Variants in RBM10 observed in about 807,000 individuals in gnomAD.
RBM10 encodes the protein RNA-binding protein 10.
In RBM10, 1 loss-of-function variant was observed where a neutral mutation model predicts 84.9. That is an observed-to-expected ratio of 0.01 (90% CI 0.00 to 0.06). The LOEUF is 0.06. Among genes scored for constraint, RBM10 ranks in the 10% least tolerant of loss-of-function variants. The pLI is 1.00. For missense variants in RBM10, 438 were observed against 839.0 expected (o/e 0.52, Z 5.90); for synonymous variants, 326 against 344.5 (o/e 0.95, Z 0.60).
intron 2 of RBM10, among the ~76,000 whole-genome samples, chrX:47,152,962 TCA>T (rs781915901): frequency 9.0e-6 from 1 of 111,577 alleles, no homozygotes; most frequent in African/African-American, 3.3e-5. Context: ...TTCTCCTGCC[TCA>T]GTCTCCCAAG....
At chrX:47,179,718 G>A (rs1556778050) in intron 9 of RBM10, 162 bp from the exon 10 acceptor site, 1 of 827,806 alleles carries the variant, frequency 1.2e-6, no homozygotes, top group Non-Finnish European at 1.7e-6. Context: ...CTGGCACCTG[G>A]ACCGCCAAGC....
chrX:47,185,038 T>C lies in RBM10; in HGVS notation c.1951-17T>C, dbSNP rs2147209354. On this transcript the variant is annotated splice_polypyrimidine_tract_variant and intron_variant, in intron 17 of 23. Transcript: ENST00000377604. The stretch of plus-strand genomic sequence containing the variant: ...TCATGAGGGTTCTGGGAACCTCACC[T>C]CCACCCTCACCCCCAGATTGCCAAG... 8.3e-7 allele frequency: 1 copy of C among 1,203,626 alleles called. No individual in the cohort carries two copies.
At position 47,181,414 on chromosome X, in the gene RBM10, A is replaced by G; in HGVS notation, c.1435+13A>G. On this transcript the variant is annotated intron_variant, in intron 13 of 23. Coordinates refer to ENST00000377604, the MANE Select transcript of RBM10 (RefSeq NM_005676.5). ...CCCACTGGAGCAGGTGAGCCCCAGC[A>G]TCTCTCTCTGCAGCTGTGGTGGGGG... is the stretch of plus-strand genomic sequence containing the variant. The G allele has an allele frequency of 8.3e-7, 1 of 1,207,486 alleles. No individual in the cohort carries two copies. Among genetic ancestry groups the G allele is most frequent in the Non-Finnish European group, 1.1e-6 (1 of 892,961 alleles).
chrX:47,185,027 G>A (rs2147209182), intron 17 of RBM10, 28 bp from the exon 18 acceptor site: 1 of 1,199,073 alleles, frequency 8.3e-7, no homozygotes, highest in Non-Finnish European at 1.1e-6. Context: ...GAGGGTTCTG[G>A]GAACCTCACC....
intron 3 of RBM10, 126 bp downstream of exon 3, chrX:47,169,624 T>C: frequency 4.3e-6 from 3 of 701,390 alleles, no homozygotes; most frequent in Non-Finnish European, 6.3e-6. Context: ...CTCGGTGGCT[T>C]TGCCTCACCT....
Position 47,181,879 on chromosome X carries a change from A to G in RBM10, c.1693+13A>G, listed in dbSNP as rs1419253387. 9.1e-6 allele frequency: 11 copies of G among 1,209,834 alleles called. No individual in the cohort carries two copies. The highest frequency in any genetic ancestry group is 1.2e-5 in the Non-Finnish European group (11 of 895,155). On this transcript the variant is annotated intron_variant, in intron 15 of 23. Coordinates refer to ENST00000377604, the MANE Select transcript of RBM10 (RefSeq NM_005676.5). ...TACAGCCAGTACCGTGAGTAGCCAC[A>G]GCCTGTGGGTAGGGGTGGGGAGTTC...
At chrX:47,169,582 G>C in intron 3 of RBM10, 84 bp downstream of exon 3, 1 of 995,490 alleles carries the variant, frequency 1.0e-6, no homozygotes, top group Non-Finnish European at 1.4e-6. Flanking sequence ...CCGTGTGCAG[G>C]CAGCTCTCCA....
chrX:47,168,918 A>G (rs888590291), intron 2 of RBM10, among the ~76,000 whole-genome samples: 4 of 111,434 alleles, frequency 3.6e-5, no homozygotes, highest in Non-Finnish European at 7.5e-5. Context: ...AAGGTGCCCC[A>G]TGAGGGAAGC....
intron 3 of RBM10, among the ~76,000 whole-genome samples, chrX:47,170,262 G>T (rs1556771884): frequency 8.8e-6 from 1 of 113,754 alleles, no homozygotes; most frequent in African/African-American, 3.2e-5. Flanking sequence ...GGCTTCTCCA[G>T]TGGCAGCTGT....
chrX:47,170,200 G>A lies in RBM10; in HGVS notation c.201+702G>A, dbSNP rs151064466. 7.9e-3 allele frequency among the ~76,000 whole-genome samples: 895 copies of A among 113,534 alleles called. 3 individuals are homozygous for A. Among genetic ancestry groups the A allele is most frequent in the Non-Finnish European group, 0.013 (716 of 53,336 alleles). The stretch of plus-strand genomic sequence containing the variant: ...AGCCCTGGGGGGCAGTCTGTGAGCT[G>A]CCCACTGCCCTCTGGAGGGTCCAGG... On this transcript the variant is annotated intron_variant, in intron 3 of 23. Transcript: ENST00000377604.
intron 11 of RBM10, 33 bp downstream of exon 11, chrX:47,180,342 T>TCCCCCCCCCCCCCCCCC: frequency 3.8e-6 from 4 of 1,059,484 alleles, no homozygotes; most frequent in South Asian, 2.0e-5. Context: ...TTCCCACCCT[T>TCCCCCCCCCCCCCCCCC]CCCCTCCCCA....
intron 6 of RBM10, among the ~76,000 whole-genome samples, chrX:47,176,015 C>T (rs187104829): frequency 2.1e-4 from 24 of 113,009 alleles, no homozygotes; most frequent in Non-Finnish European, 3.4e-4. Context: ...CATGGGAAGA[C>T]GGCCTCATGG....
chrX:47,182,145 C>CCCT lies in RBM10; in HGVS notation c.1786-8_1786-6dup. ...AAGGTCTTCCCTCACATCCCCTCTT[C>CCCT]CCTCCTCCTCCCTCAGTATTACTAC... On this transcript the variant is annotated splice_polypyrimidine_tract_variant and intron_variant, in intron 16 of 23. Coordinates refer to ENST00000377604, the MANE Select transcript of RBM10 (RefSeq NM_005676.5). The CCCT allele has an allele frequency of 1.7e-6, 2 of 1,211,642 alleles. No individual in the cohort carries two copies. Among genetic ancestry groups the CCCT allele is most frequent in the Non-Finnish European group, 2.2e-6 (2 of 895,497 alleles).
chrX:47,185,962 A>G, intron 21 of RBM10, 103 bp from the exon 22 acceptor site: 1 of 1,149,078 alleles, frequency 8.7e-7, no homozygotes, highest in Non-Finnish European at 1.2e-6. Context: ...CCTGAGCCTC[A>G]TTAGCCAGAT....
chrX:47,185,250 T>G, intron 18 of RBM10, 46 bp downstream of exon 18: 1 of 1,211,953 alleles, frequency 8.3e-7, no homozygotes, highest in Non-Finnish European at 1.1e-6. Flanking sequence ...AATCTTGTCC[T>G]TCCTTTGGGC....
In RBM10 at chrX:47,185,506, G is replaced by A. The variant is rs1935838149; in HGVS notation, c.2231G>A (p.Arg744His). Residue 744 changes from arginine to histidine, a missense_variant, in exon 20 of 24, where the codon CGT becomes CAT. Physicochemically the swap from Arg to His is conservative, Grantham distance 29 (BLOSUM62 0). This residue lies in a region of RBM10 where 92 missense variants were observed against 199.9 expected (regional missense o/e 0.46). Transcript: ENST00000377604. ...GESDSEEEQERGGPEREEKLT... is the reference protein window; with the variant it reads ...GESDSEEEQEHGGPEREEKLT... The stretch of plus-strand genomic sequence containing the variant: ...AGTGACAGTGAGGAGGAGCAGGAGC[G>A]TGGGGGCCCTGAGCGGGAGGAGAAG... 8.5e-7 allele frequency: 1 copy of A among 1,176,479 alleles called. No homozygotes were observed. The highest frequency in any genetic ancestry group is 1.1e-6 in the Non-Finnish European group (1 of 877,528).
Position 47,176,515 on chromosome X carries a change from C to T in RBM10, c.592C>T (p.Leu198=), listed in dbSNP as rs2147156122. Reference sequence around the variant, plus strand: ...TTTCCCGCAGCACTCCCTCAACATCCTGGGCCAGAAGGTGTCGATGCACTA... The same window carrying T: ...TTTCCCGCAGCACTCCCTCAACATCTTGGGCCAGAAGGTGTCGATGCACTA... ...MEANQHSLNI[L]GQKVSMHYSD... The change falls in exon 7 of 24, where the codon CTG becomes TTG. Residue 198 remains leucine, a synonymous_variant. Transcript: ENST00000377604. 1 of 1,211,658 alleles carries T rather than the reference C, an allele frequency of 8.3e-7. No homozygotes were observed. The highest frequency in any genetic ancestry group is 1.1e-6 in the Non-Finnish European group (1 of 895,509).
rs1556761660 is a variant in RBM10, at chrX:47,145,538, C to T, written c.-126+53C>T. On this transcript the variant is annotated intron_variant, in intron 1 of 23. Transcript: ENST00000377604. ...GGAGGTAAGGGGCCCGGGGCGGGGA[C>T]GTAGAGGAGGCGCGAGGGCGGACTT... 2.7e-6 allele frequency: 3 copies of T among 1,106,890 alleles called. No individual in the cohort carries two copies. The African/African-American group carries it at 5.8e-5, about 22-fold the overall frequency. 91.2% of individuals were successfully genotyped at this position (1,106,890 alleles called of 1,213,427 possible).
At chrX:47,185,012 G>C (rs925909023) in intron 17 of RBM10, 43 bp from the exon 18 acceptor site, 2 of 1,185,376 alleles carry the variant, frequency 1.7e-6, no homozygotes, top group Non-Finnish European at 1.1e-6. Context: ...TAGCCCCAGG[G>C]TCATGAGGGT....
Sources: allele counts gnomAD v4.1 joint callset (sites outside exome capture counted in the v4.1 genomes callset), GRCh38; gene constraint gnomAD v4.1.1; regional missense constraint gnomAD v4.1.1; transcripts MANE v1.5; gene names NCBI Gene and HGNC (gene_info 2026-07-23, HGNC 2026-07-21).